The following PLA2G4A variants were observed in gnomAD, a reference collection of about 807,000 sequenced individuals.
PLA2G4A encodes cytosolic phospholipase A2.
A neutral mutation model predicts 81.9 loss-of-function variants in PLA2G4A; 40 were observed. That is an observed-to-expected ratio of 0.49 (90% CI 0.38 to 0.64). The LOEUF (loss-of-function observed/expected upper bound fraction) is 0.64. PLA2G4A is among the 30% of genes least tolerant of loss of function. PLA2G4A has a pLI of 0.00. For synonymous variants in PLA2G4A, 302 were observed against 296.9 expected (o/e 1.02, Z -0.18); for missense variants, 715 against 905.1 (o/e 0.79, Z 2.69).
At chr1:186,969,384 T>G (rs1037168686) in intron 15 of PLA2G4A, among the ~76,000 whole-genome samples, 1 of 151,898 alleles carries the variant, frequency 6.6e-6, no homozygotes, top group African/African-American at 2.4e-5. Flanking sequence ...CCCTTAAGCA[T>G]TTATCACCTC....
intron 3 of PLA2G4A, among the ~76,000 whole-genome samples, chr1:186,890,919 T>C (rs1654114658): frequency 6.6e-6 from 1 of 151,890 alleles, no homozygotes; most frequent in Admixed American, 6.6e-5. Context: ...CATCTGAATA[T>C]TGCCATAATA....
chr1:186,967,923 G>A (rs913502905), intron 15 of PLA2G4A, among the ~76,000 whole-genome samples: 1 of 152,104 alleles, frequency 6.6e-6, no homozygotes. Context: ...AGTAGGATGA[G>A]TTGGAGAATG....
At position 186,961,527 on chromosome 1, in the gene PLA2G4A, T is replaced by G. The variant is rs373144282; in HGVS notation, c.1580-3882T>G. On this transcript the variant is annotated intron_variant, in intron 14 of 17. Transcript: ENST00000367466. ...AAAATAACAATAAAAGGAACACTACTTACCATCAATTTATCTTGAAGGTGG... is the reference window on the plus strand; with the variant it reads ...AAAATAACAATAAAAGGAACACTACGTACCATCAATTTATCTTGAAGGTGG... 4.6e-5 allele frequency among the ~76,000 whole-genome samples: 7 copies of G among 152,254 alleles called. No homozygotes were observed. In the South Asian group the frequency reaches 1.2e-3, roughly 27 times the overall value.
intron 13 of PLA2G4A, among the ~76,000 whole-genome samples, chr1:186,953,056 T>C (rs185146552): frequency 1.5e-3 from 221 of 152,206 alleles, no homozygotes; most frequent in African/African-American, 5.2e-3. Flanking sequence ...AGACACAGAT[T>C]TTTCAGTTTA....
intron 8 of PLA2G4A, 43 bp from the exon 9 acceptor site, chr1:186,938,965 A>C: frequency 1.0e-6 from 1 of 1,002,660 alleles, no homozygotes; most frequent in Non-Finnish European, 1.6e-6. Flanking sequence ...ACTGTTGTGT[A>C]ATGCTCTTTA....
chr1:186,950,609 T>C (rs1424322861), intron 12 of PLA2G4A, 48 bp from the exon 13 acceptor site: 11 of 1,004,966 alleles, frequency 1.1e-5, no homozygotes, highest in Non-Finnish European at 1.6e-6. Flanking sequence ...AATTAATTGT[T>C]AATTTTGACA....
intron 2 of PLA2G4A, among the ~76,000 whole-genome samples, chr1:186,858,910 G>A (rs1166541803): frequency 6.7e-6 from 1 of 149,628 alleles, no homozygotes; most frequent in African/African-American, 2.5e-5. Flanking sequence ...ACCAACTGTG[G>A]GTGTGTGCGT....
At chr1:186,917,933 C>T (rs137943368) in intron 7 of PLA2G4A, among the ~76,000 whole-genome samples, 7 of 152,288 alleles carry the variant, frequency 4.6e-5, no homozygotes, top group Non-Finnish European at 8.8e-5. Context: ...AAGTGTGAGA[C>T]GTAGAAGTAC....
At chr1:186,874,019 A>G (rs571740353) in intron 3 of PLA2G4A, among the ~76,000 whole-genome samples, 1 of 152,204 alleles carries the variant, frequency 6.6e-6, no homozygotes, top group South Asian at 2.1e-4. Context: ...CTCTATTTTT[A>G]TCTTTGAAAT....
At chr1:186,912,720 ATT>A (rs1654991484) in intron 7 of PLA2G4A, among the ~76,000 whole-genome samples, 1 of 141,644 alleles carries the variant, frequency 7.1e-6, no homozygotes, top group African/African-American at 2.8e-5. Context: ...ATATATGTAT[ATT>A]TATATATACA....
chr1:186,973,861 T>G (rs1415491371), intron 15 of PLA2G4A, among the ~76,000 whole-genome samples: 1 of 152,132 alleles, frequency 6.6e-6, no homozygotes, highest in African/African-American at 2.4e-5. Context: ...GCTTCAATAA[T>G]TTTTTAAGAT....
chr1:186,937,185 G>C (rs1274448682), intron 8 of PLA2G4A, among the ~76,000 whole-genome samples: 2 of 151,674 alleles, frequency 1.3e-5, no homozygotes, highest in East Asian at 3.9e-4. Flanking sequence ...AATGGTTGAA[G>C]TATTCTAGGT....
chr1:186,902,165 G>T (rs1388485989), intron 5 of PLA2G4A, among the ~76,000 whole-genome samples: 1 of 152,080 alleles, frequency 6.6e-6, no homozygotes, highest in Non-Finnish European at 1.5e-5. Context: ...GTAAGTATTT[G>T]CATATCTAAA....
intron 7 of PLA2G4A, among the ~76,000 whole-genome samples, chr1:186,913,496 A>G (rs1400223486): frequency 6.6e-6 from 1 of 152,098 alleles, no homozygotes; most frequent in Non-Finnish European, 1.5e-5. Flanking sequence ...ATCTACAAAG[A>G]TTAATTGCCA....
chr1:186,890,711 G>A (rs770782091), intron 3 of PLA2G4A, among the ~76,000 whole-genome samples: 26 of 151,992 alleles, frequency 1.7e-4, no homozygotes, highest in African/African-American at 2.9e-4. Context: ...AAAATTAGCC[G>A]GGCATAGTGG....
At chr1:186,876,135 T>C (rs997332889) in intron 3 of PLA2G4A, among the ~76,000 whole-genome samples, 2 of 152,120 alleles carry the variant, frequency 1.3e-5, no homozygotes. Flanking sequence ...TCAGCAACAG[T>C]TCTGATGTGG....
chr1:186,936,381 A>G (rs1332593467), intron 8 of PLA2G4A, among the ~76,000 whole-genome samples: 1 of 151,992 alleles, frequency 6.6e-6, no homozygotes, highest in Non-Finnish European at 1.5e-5. Context: ...TTCTTCCCTA[A>G]TGAATCTCTC....
intron 5 of PLA2G4A, among the ~76,000 whole-genome samples, chr1:186,901,024 A>C (rs578186316): frequency 1.3e-5 from 2 of 152,314 alleles, no homozygotes; most frequent in African/African-American, 4.8e-5. Context: ...GGCTGAATTC[A>C]GAATGTTGTT....
Position 186,936,906 on chromosome 1 carries a change from G to A in PLA2G4A, c.696-2102G>A, listed in dbSNP as rs73049046. 5.6e-3 allele frequency among the ~76,000 whole-genome samples: 843 copies of A among 151,808 alleles called. 6 individuals are homozygous for A. The highest frequency in any genetic ancestry group is 0.02 in the African/African-American group (812 of 41,428). ...CTCATTAATTAACTAATTTATAGAG[G>A]CCCTGCTATGTCTAAGCTACTCTCT... On this transcript the variant is annotated intron_variant, in intron 8 of 17. Coordinates refer to ENST00000367466, the MANE Select transcript of PLA2G4A (RefSeq NM_024420.3).
Sources: allele counts gnomAD v4.1 joint callset (sites outside exome capture counted in the v4.1 genomes callset), GRCh38; gene constraint gnomAD v4.1.1; transcripts MANE v1.5; gene names NCBI Gene and HGNC (gene_info 2026-07-23, HGNC 2026-07-21).